The following STK33 variants were observed in gnomAD, a reference collection of about 807,000 sequenced individuals.
STK33 encodes the protein serine/threonine kinase 33.
Under a neutral mutation model 58.0 loss-of-function variants are expected in STK33, and 52 were observed. The ratio of observed to expected loss-of-function variants is 0.90; its 90% CI spans 0.72 to 1.13. The LOEUF is 1.13. Among genes scored for constraint, STK33 ranks in the 50% most tolerant of loss-of-function variants. The probability of loss-of-function intolerance (pLI) is 0.00; values close to 1 mark genes in which losing one functional copy is unlikely to be tolerated. For synonymous variants in STK33, 215 were observed against 200.1 expected, an observed-to-expected ratio of 1.07 and a Z score of -0.63; for missense variants, 630 against 604.2, an observed-to-expected ratio of 1.04 and a Z score of -0.45.
At chr11:8,462,678 T>G (rs1947709770) in intron 7 of STK33, among the ~76,000 whole-genome samples, 1 of 151,770 alleles carries the variant, frequency 6.6e-6, no homozygotes, top group South Asian at 2.1e-4. Context: ...CTCCTAACAT[T>G]TAACACTCAC....
chr11:8,497,728 C>T (rs1951172797), intron 1 of STK33, among the ~76,000 whole-genome samples: 1 of 152,188 alleles, frequency 6.6e-6, no homozygotes. Flanking sequence ...TCCCAAAGTA[C>T]TGGGATTACA....
At chr11:8,373,235 T>C in the STK33 span, among the ~76,000 whole-genome samples, 1 of 152,180 alleles carries the variant, frequency 6.6e-6, no homozygotes, top group Non-Finnish European at 1.5e-5. Flanking sequence ...ACCCACATGT[T>C]TCTGGGCATG....
rs183610505 is a variant in STK33, at chr11:8,492,458, A to G, written c.-465-11844T>C. ...CCAGATTCATAAAGCAAGTCATTAG[A>G]GAACTACAAAGAGACTTAGACTCCC... On this transcript the variant is annotated intron_variant, in intron 1 of 15. Coordinates refer to ENST00000687296, the MANE Select transcript of STK33 (RefSeq NM_001352389.2). Among the ~76,000 whole-genome samples the G allele has an allele frequency of 6.9e-3, 1,052 of 152,314 alleles. 13 individuals are homozygous for G. The highest frequency in any genetic ancestry group is 0.023 in the African/African-American group (961 of 41,572).
chr11:8,465,186 T>C (rs189457700), intron 6 of STK33: 5 of 155,040 alleles, frequency 3.2e-5, no homozygotes, highest in East Asian at 1.9e-4. Flanking sequence ...TGTGTGTAGA[T>C]ATAAAATACA....
intron 11 of STK33, among the ~76,000 whole-genome samples, chr11:8,445,256 T>C (rs1393528239): frequency 2.6e-5 from 4 of 152,228 alleles, no homozygotes; most frequent in African/African-American, 9.6e-5. Flanking sequence ...CTGAAGTTGT[T>C]TTTCAGCTTA....
At chr11:8,396,783 T>C (rs1398965751) in intron 15 of STK33, among the ~76,000 whole-genome samples, 1 of 152,204 alleles carries the variant, frequency 6.6e-6, no homozygotes, top group African/African-American at 2.4e-5. Context: ...GCTTTTCCAA[T>C]GGTCTTAGCA....
intron 1 of STK33, among the ~76,000 whole-genome samples, chr11:8,489,873 A>T (rs796236733): frequency 1.4e-4 from 22 of 152,316 alleles, no homozygotes; most frequent in African/African-American, 5.1e-4. Flanking sequence ...GAAATAGTAA[A>T]CCTGAAGATT....
the STK33 span, among the ~76,000 whole-genome samples, chr11:8,386,099 G>A: frequency 6.6e-6 from 1 of 152,150 alleles, no homozygotes; most frequent in Non-Finnish European, 1.5e-5. Context: ...AACATCTTTT[G>A]TACAACTCTG....
chr11:8,503,957 C>T (rs1228413025), intron 1 of STK33, among the ~76,000 whole-genome samples: 4 of 152,174 alleles, frequency 2.6e-5, no homozygotes, highest in Non-Finnish European at 4.4e-5. Context: ...AATTAACAAA[C>T]ATCAAATGGA....
At chr11:8,354,146 G>A in the STK33 span, among the ~76,000 whole-genome samples, 2 of 152,052 alleles carry the variant, frequency 1.3e-5, no homozygotes, top group African/African-American at 2.4e-5. Flanking sequence ...AGAACACTAT[G>A]TTACCCACCG....
At chr11:8,588,903 A>G (rs937709880) in intron 1 of STK33, among the ~76,000 whole-genome samples, 1 of 152,198 alleles carries the variant, frequency 6.6e-6, no homozygotes, top group Non-Finnish European at 1.5e-5. Context: ...ATATCTTCAT[A>G]TTAACACATG....
the STK33 span, among the ~76,000 whole-genome samples, chr11:8,336,883 C>A: frequency 3.3e-5 from 5 of 152,238 alleles, no homozygotes; most frequent in African/African-American, 9.6e-5. Flanking sequence ...TTGCCCACAC[C>A]TGGCCACTAA....
chr11:8,410,472 T>TTTC (rs1554905563), intron 15 of STK33, among the ~76,000 whole-genome samples: 23 of 140,642 alleles, frequency 1.6e-4, no homozygotes, highest in South Asian at 4.6e-4. Context: ...TTTCTTTTCT[T>TTTC]TTTTTTTTTT....
intron 1 of STK33, among the ~76,000 whole-genome samples, chr11:8,535,640 G>A (rs2140223533): frequency 6.6e-6 from 1 of 152,274 alleles, no homozygotes; most frequent in Non-Finnish European, 1.5e-5. Context: ...TGGTGGGAAT[G>A]TAAACTAGTA....
At chr11:8,439,020 T>C (rs892451291) in intron 12 of STK33, among the ~76,000 whole-genome samples, 3 of 152,198 alleles carry the variant, frequency 2.0e-5, no homozygotes, top group Admixed American at 1.3e-4. Flanking sequence ...ATGTAACTAC[T>C]GTGATGTCAA....
chr11:8,544,972 C>G (rs1591720527), intron 1 of STK33, among the ~76,000 whole-genome samples: 1 of 152,138 alleles, frequency 6.6e-6, no homozygotes, highest in Non-Finnish European at 1.5e-5. Flanking sequence ...AACCATGACA[C>G]GGTCCTGCTT....
At chr11:8,460,886 T>C (rs1481395197) in intron 8 of STK33, among the ~76,000 whole-genome samples, 2 of 152,196 alleles carry the variant, frequency 1.3e-5, no homozygotes, top group Non-Finnish European at 2.9e-5. Flanking sequence ...TTAATTGTTA[T>C]CAAGCACCCC....
Position 8,509,139 on chromosome 11 carries a change from A to AG in STK33, c.-465-28526dup, listed in dbSNP as rs1249527764. Among the ~76,000 whole-genome samples the AG allele has an allele frequency of 7.3e-3, 1,093 of 149,866 alleles. 7 individuals are homozygous for AG. Among genetic ancestry groups the AG allele is most frequent in the South Asian group, 0.03 (137 of 4,522 alleles). On this transcript the variant is annotated intron_variant, in intron 1 of 15. Coordinates refer to ENST00000687296, the MANE Select transcript of STK33 (RefSeq NM_001352389.2). Reference sequence around the variant, plus strand: ...CTCAAAAAAAAAAAAAAAAAAAAAAAGCCACTCATTACAATATGTTCAGAC... The same window carrying AG: ...CTCAAAAAAAAAAAAAAAAAAAAAAAGGCCACTCATTACAATATGTTCAGAC...
intron 14 of STK33, among the ~76,000 whole-genome samples, chr11:8,419,651 G>C (rs1941631103): frequency 6.6e-6 from 1 of 152,180 alleles, no homozygotes; most frequent in African/African-American, 2.4e-5. Context: ...GCATAGCAGT[G>C]AATCTGTAAA....
Sources: allele counts gnomAD v4.1 joint callset (sites outside exome capture counted in the v4.1 genomes callset), GRCh38; gene constraint gnomAD v4.1.1; transcripts MANE v1.5; gene names NCBI Gene and HGNC (gene_info 2026-07-23, HGNC 2026-07-21).